Variants in PIGG observed in about 807,000 individuals in gnomAD.
The protein encoded by PIGG is phosphatidylinositol glycan anchor biosynthesis class G (EMM blood group), also known as GPI ethanolamine phosphate transferase 2, catalytic subunit.
PIGG carries 70 observed loss-of-function variants against 83.2 expected under a neutral mutation model. The ratio of observed to expected loss-of-function variants is 0.84; its 90% CI spans 0.69 to 1.03. The LOEUF is 1.03. PIGG is among the 50% of genes least tolerant of loss of function. The probability of loss-of-function intolerance (pLI) is 0.00; values close to 1 mark genes in which losing one functional copy is unlikely to be tolerated. For missense variants in PIGG, 1,257 were observed against 1,233.6 expected (o/e 1.02, Z -0.28); for synonymous variants, 532 against 519.5 (o/e 1.02, Z -0.33).
Position 530,755 on chromosome 4 carries a change from CATT to C in PIGG, c.2571+16_2571+18del, listed in dbSNP as rs777756870. The C allele has an allele frequency of 4.6e-6, 7 of 1,538,442 alleles. No individual in the cohort carries two copies. The highest frequency in any genetic ancestry group is 6.3e-6 in the Non-Finnish European group (7 of 1,114,030). Reference sequence around the variant, plus strand: ...ATTCTTCTATTTTCAGGTAGGTTTTCATTATTATCATGGGTAGTAGACTTCATG... The same window carrying C: ...ATTCTTCTATTTTCAGGTAGGTTTTCATTATCATGGGTAGTAGACTTCATG... On this transcript the variant is annotated intron_variant, in intron 11 of 12. Transcript: ENST00000453061.
At chr4:536,027 C>G (rs932874450) in intron 12 of PIGG, among the ~76,000 whole-genome samples, 1 of 152,236 alleles carries the variant, frequency 6.6e-6, no homozygotes, top group African/African-American at 2.4e-5. Flanking sequence ...CCGTGCCTGC[C>G]TTTGAGCTTT....
intron 12 of PIGG, chr4:536,235 T>G (rs1730578403): frequency 6.6e-6 from 1 of 152,262 alleles, no homozygotes; most frequent in African/African-American, 2.4e-5. Flanking sequence ...GCTTCAGCAG[T>G]GATAGGCGCG....
At chr4:503,552 A>C (rs1319067929) in intron 2 of PIGG, among the ~76,000 whole-genome samples, 3 of 152,114 alleles carry the variant, frequency 2.0e-5, no homozygotes, top group Non-Finnish European at 1.5e-5. Context: ...TTTACTCTGG[A>C]AAGTCCCACC....
rs115661179 is a variant in PIGG, at chr4:526,078, C to T, written c.2070-961C>T. ...CGCATTATCCGCGGTTTTCCTTACG[C>T]GAGGTCAACCATAGTCTGAAAATAT... is the stretch of plus-strand genomic sequence containing the variant. On this transcript the variant is annotated intron_variant, in intron 9 of 12. Transcript: ENST00000453061. 9.8e-5 allele frequency among the ~76,000 whole-genome samples: 15 copies of T among 152,310 alleles called. No individual in the cohort carries two copies. The South Asian group carries it at 1.9e-3, about 19-fold the overall frequency.
In PIGG at chr4:506,647, A is replaced by AT. The variant is rs1483375949; in HGVS notation, c.570+727dup. On this transcript the variant is annotated intron_variant, in intron 3 of 12. Coordinates refer to ENST00000453061, the MANE Select transcript of PIGG (RefSeq NM_001127178.3). ...TGAGAAACACTTCTCTTCATAGGAG[A>AT]TTTTTTTAGTGGGAGGGAGATGAGC... 8.2e-5 allele frequency: 32 copies of AT among 391,738 alleles called. 1 individual carries two copies. Among genetic ancestry groups the AT allele is most frequent in the African/African-American group, 8.3e-5 (4 of 48,236 alleles). 24.3% of individuals were successfully genotyped at this position (391,738 alleles called of 1,614,324 possible). A position where few individuals can be genotyped will look rare whatever the true frequency, so the allele number is the denominator to read the frequency against.
At position 523,908 on chromosome 4, in the gene PIGG, C is replaced by T. The variant is rs762021895; in HGVS notation, c.2064C>T (p.Leu688=). 1.2e-5 allele frequency: 19 copies of T among 1,522,312 alleles called. No homozygotes were observed. Among genetic ancestry groups the T allele is most frequent in the South Asian group, 2.4e-5 (2 of 81,728 alleles). The allele number at this position is 1,522,312 out of a possible 1,614,324, so 94.3% of individuals were successfully genotyped here. The change falls in exon 9 of 13, where the codon CTC becomes CTT. Residue 688 remains leucine (L), a synonymous_variant. Transcript: ENST00000453061. ...ACCGGCCTGACCTCGGCCACTGGCT[C>T]ACCAGGTGAGAGCGTAGGCCCGTGG... The part of the protein sequence containing the change: ...WAHRPDLGHW[L]TSSDHKAELS...
rs1162996177 is a variant in PIGG, at chr4:523,841, G to A, written c.1997G>A (p.Arg666Gln). The change falls in exon 9 of 13, where the codon CGG becomes CAG. Residue 666 changes from arginine (R) to glutamine (Q), a missense_variant. Coordinates refer to ENST00000453061, the MANE Select transcript of PIGG (RefSeq NM_001127178.3). Reference sequence around the variant, plus strand: ...CCGTGGCTAATACTGGCCTGCTGCCGGCTGCTGCGCTCCCTAAACCAGACA... The same window carrying A: ...CCGTGGCTAATACTGGCCTGCTGCCAGCTGCTGCGCTCCCTAAACCAGACA... ...ASPWLILACCRLLRSLNQTGV... is the reference protein window; with the variant it reads ...ASPWLILACCQLLRSLNQTGV... 1.2e-5 allele frequency: 20 copies of A among 1,602,564 alleles called. No homozygotes were observed. The highest frequency in any genetic ancestry group is 1.6e-4 in the Middle Eastern group (1 of 6,074).
intron 5 of PIGG, among the ~76,000 whole-genome samples, chr4:514,512 C>T (rs1309382675): frequency 6.6e-6 from 1 of 152,120 alleles, no homozygotes; most frequent in African/African-American, 2.4e-5. Flanking sequence ...CTACAGTCAG[C>T]GATTTCTCCA....
chr4:527,396 T>C, intron 10 of PIGG, 166 bp downstream of exon 10: 1 of 1,365,162 alleles, frequency 7.3e-7, no homozygotes, highest in African/African-American at 1.5e-5. Flanking sequence ...TGTCAACAGC[T>C]ACTGGAGTGT....
At chr4:501,072 A>C in intron 2 of PIGG, 1 of 455,250 alleles carries the variant, frequency 2.2e-6, no homozygotes, top group Non-Finnish European at 4.4e-6. Flanking sequence ...GGCCTCAACA[A>C]TTACCACTGT....
At chr4:516,206 G>A (rs778821015) in intron 6 of PIGG, 21 bp downstream of exon 6, 95 of 1,553,110 alleles carry the variant, frequency 6.1e-5, no homozygotes, top group Middle Eastern at 1.7e-4. Context: ...TCACCGTTTC[G>A]AGCTCTGTCA....
In PIGG at chr4:523,672, T is replaced by C. The variant is rs7666425; in HGVS notation, c.1828T>C (p.Cys610Arg). The C allele has an allele frequency of 0.14, 220,556 of 1,613,990 alleles. 17,673 individuals are homozygous for C. The highest frequency in any genetic ancestry group is 0.34 in the African/African-American group (25,797 of 74,964). Residue 610 changes from cysteine to arginine, a missense_variant, in exon 9 of 13, where the codon TGT becomes CGT. By Grantham distance (180) the Cys-to-Arg change is radical. Transcript: ENST00000453061. ...GDDGEPPCGL[C>R]VEQGHDGATA... ...TGACGGTGAGCCTCCGTGTGGCCTC[T>C]GTGTGGAACAAGGGCATGACGGGGC...
chr4:514,900 T>A, intron 5 of PIGG, among the ~76,000 whole-genome samples: 1 of 152,220 alleles, frequency 6.6e-6, no homozygotes, highest in East Asian at 1.9e-4. Flanking sequence ...TGTTTTTGTC[T>A]TTGTGTTTTA....
intron 8 of PIGG, chr4:522,362 G>T: frequency 3.1e-6 from 1 of 326,440 alleles, no homozygotes; most frequent in Non-Finnish European, 5.7e-6. Context: ...AAGGAGACTT[G>T]GTCGCACCAC....
intron 8 of PIGG, chr4:522,502 G>A (rs988853883): frequency 5.3e-6 from 1 of 190,070 alleles, no homozygotes; most frequent in Non-Finnish European, 1.1e-5. Flanking sequence ...GAGTGGTGGT[G>A]AGGCAGTGAG....
intron 12 of PIGG, among the ~76,000 whole-genome samples, chr4:538,343 C>G (rs894476836): frequency 6.6e-6 from 1 of 152,104 alleles, no homozygotes; most frequent in Non-Finnish European, 1.5e-5. Flanking sequence ...TAACATACTT[C>G]GAGGGGTGGC....
chr4:500,678 C>A, intron 2 of PIGG, 77 bp downstream of exon 2: 1 of 920,594 alleles, frequency 1.1e-6, no homozygotes, highest in Non-Finnish European at 1.8e-6. Flanking sequence ...TAGTCTTTCG[C>A]TTGGAGTTGC....
chr4:533,841 C>T lies in PIGG; in HGVS notation c.2595C>T (p.Thr865=), dbSNP rs1729687600. The T allele has an allele frequency of 3.1e-6, 5 of 1,614,224 alleles. No homozygotes were observed. The highest frequency in any genetic ancestry group is 1.7e-5 in the Admixed American group (1 of 60,034). Residue 865 remains threonine (T), a synonymous_variant, in exon 12 of 13, where the codon ACC becomes ACT. Coordinates refer to ENST00000453061, the MANE Select transcript of PIGG (RefSeq NM_001127178.3). The stretch of plus-strand genomic sequence containing the variant: ...AGGGCAACTCCAACAACATTGCCAC[C>T]GTGGACATCTCCGCAGGCTTCGTGG... The part of the protein sequence containing the change: ...YFQGNSNNIA[T]VDISAGFVGL...
At chr4:518,486 G>C (rs1051113868) in intron 6 of PIGG, among the ~76,000 whole-genome samples, 2 of 152,166 alleles carry the variant, frequency 1.3e-5, no homozygotes, top group African/African-American at 4.8e-5. Flanking sequence ...CCAGCTACTC[G>C]GGAGGCTGAG....
Sources: allele counts gnomAD v4.1 joint callset (sites outside exome capture counted in the v4.1 genomes callset), GRCh38; gene constraint gnomAD v4.1.1; transcripts MANE v1.5; gene names NCBI Gene and HGNC (gene_info 2026-07-23, HGNC 2026-07-21).